ZC3H12D: variants seen among roughly 807,000 people sequenced by gnomAD.
ZC3H12D encodes probable ribonuclease ZC3H12D.
Under a neutral mutation model 24.2 loss-of-function variants are expected in ZC3H12D, and 11 were observed. The observed-to-expected ratio is 0.46, with a 90% confidence interval of 0.29 to 0.75. The LOEUF (loss-of-function observed/expected upper bound fraction) is 0.75. Ranked by LOEUF, ZC3H12D falls within the 30% of genes least tolerant of loss-of-function variation. ZC3H12D has a pLI of 0.11. For synonymous variants in ZC3H12D, 333 were observed against 341.8 expected, an observed-to-expected ratio of 0.97 and a Z score of 0.28; for missense variants, 740 against 767.7, an observed-to-expected ratio of 0.96 and a Z score of 0.43.
intron 1 of ZC3H12D, among the ~76,000 whole-genome samples, chr6:149,482,342 C>T (rs745923336): frequency 6.6e-6 from 1 of 152,258 alleles, no homozygotes; most frequent in Non-Finnish European, 1.5e-5. Context: ...CTGCCAGCCG[C>T]GTCTCGTTTC....
At chr6:149,459,418 C>A in intron 3 of ZC3H12D, 2 of 580,232 alleles carry the variant, frequency 3.4e-6, no homozygotes, top group South Asian at 4.2e-5. Context: ...AGCAGCAAAC[C>A]CAGGATTTTG....
At chr6:149,467,564 T>C (rs1176303581) in intron 2 of ZC3H12D, among the ~76,000 whole-genome samples, 2 of 152,100 alleles carry the variant, frequency 1.3e-5, no homozygotes, top group Non-Finnish European at 2.9e-5. Context: ...TTGGAGCTCA[T>C]TTTTAAGATC....
At chr6:149,464,019 A>T (rs530936492) in intron 2 of ZC3H12D, among the ~76,000 whole-genome samples, 1 of 152,302 alleles carries the variant, frequency 6.6e-6, no homozygotes, top group Admixed American at 6.5e-5. Flanking sequence ...TTCAGTGGAG[A>T]TGTCTGAGTG....
At position 149,451,439 on chromosome 6, in the gene ZC3H12D, G is replaced by C; in HGVS notation, c.828C>G (p.His276Gln). The C allele has an allele frequency of 2.5e-6, 4 of 1,577,134 alleles. No individual in the cohort carries two copies. The highest frequency in any genetic ancestry group is 3.4e-6 in the Non-Finnish European group (4 of 1,171,226). The stretch of plus-strand genomic sequence containing the variant: ...GTTGCGCGTGGTGCGGCCTCTCCGG[G>C]TGGTAGAACTTGCACTTGATGCCAT... The part of the protein sequence containing the change: ...CTYGIKCKFY[H>Q]PERPHHAQLA... The change falls in exon 6 of 6, where the codon CAC becomes CAG. Residue 276 changes from histidine to glutamine, a missense_variant. Coordinates refer to ENST00000409806, the MANE Select transcript of ZC3H12D (RefSeq NM_207360.3).
Position 149,461,908 on chromosome 6 carries a change from T to C in ZC3H12D, c.368A>G (p.Asp123Gly). ...GIKLAVDWFR[D>G]RGHTYIKVFV... ...AACTTTGATGTAGGTGTGTCCTCTG[T>C]CCCTGAACCAGTCAACAGCCAGCTT... The change falls in exon 3 of 6, where the codon GAC becomes GGC. Residue 123 changes from aspartate (D) to glycine (G), a missense_variant. Transcript: ENST00000409806. 6.2e-7 allele frequency: 1 copy of C among 1,609,956 alleles called. No individual in the cohort carries two copies. The highest frequency in any genetic ancestry group is 8.5e-7 in the Non-Finnish European group (1 of 1,178,284).
chr6:149,480,752 A>AT (rs1306042283), intron 1 of ZC3H12D, among the ~76,000 whole-genome samples: 1 of 151,976 alleles, frequency 6.6e-6, no homozygotes, highest in East Asian at 1.9e-4. Flanking sequence ...AAACAAAAAA[A>AT]ACAAACAAAA....
chr6:149,472,667 T>C (rs1179848006), intron 2 of ZC3H12D, among the ~76,000 whole-genome samples: 1 of 151,952 alleles, frequency 6.6e-6, no homozygotes, highest in Non-Finnish European at 1.5e-5. Context: ...AACAAAACCC[T>C]CCACCACCCC....
chr6:149,469,273 C>A lies in ZC3H12D; in HGVS notation c.305+4966G>T, dbSNP rs763737139. On this transcript the variant is annotated intron_variant, in intron 2 of 5. Transcript: ENST00000409806. The stretch of plus-strand genomic sequence containing the variant: ...GAGATCGAGACCATCCTGGCTAACA[C>A]GGTGAAACCCCGTCTGTATTAAAAG... Among the ~76,000 whole-genome samples the A allele has an allele frequency of 2.6e-5, 4 of 152,082 alleles. No homozygotes were observed. In the East Asian group the frequency reaches 7.7e-4, roughly 29 times the overall value.
intron 2 of ZC3H12D, among the ~76,000 whole-genome samples, chr6:149,463,923 G>C (rs527723172): frequency 1.1e-4 from 16 of 152,354 alleles, no homozygotes; most frequent in African/African-American, 3.8e-4. Context: ...AACAGGGTTA[G>C]AGGGAAAGAT....
chr6:149,458,237 G>T (rs1776018989), intron 3 of ZC3H12D, among the ~76,000 whole-genome samples: 1 of 146,528 alleles, frequency 6.8e-6, no homozygotes, highest in South Asian at 2.2e-4. Context: ...CAAGGCTCAG[G>T]TGATCCTCTT....
chr6:149,456,754 C>T lies in ZC3H12D; in HGVS notation c.592G>A (p.Asp198Asn), dbSNP rs911570867. The T allele has an allele frequency of 6.2e-7, 1 of 1,613,716 alleles. No homozygotes were observed. The highest frequency in any genetic ancestry group is 1.3e-5 in the African/African-American group (1 of 74,938). ...TCGCTCTGCAGGTCCCGGTAGTTGTCGTTGGAGACGATGACGCCGTCCTGC... is the reference window on the plus strand; with the variant it reads ...TCGCTCTGCAGGTCCCGGTAGTTGTTGTTGGAGACGATGACGCCGTCCTGC... ...YEQDGVIVSNDNYRDLQSENP... is the reference protein window; with the variant it reads ...YEQDGVIVSNNNYRDLQSENP... The change falls in exon 4 of 6, where the codon GAC becomes AAC. Residue 198 changes from aspartate (D) to asparagine (N), a missense_variant. Transcript: ENST00000409806. The surrounding 1 kb of genome is among the most constrained non-coding windows in gnomAD (Gnocchi z 4.3).
intron 2 of ZC3H12D, among the ~76,000 whole-genome samples, chr6:149,471,596 C>A (rs1185673289): frequency 6.6e-6 from 1 of 152,218 alleles, no homozygotes; most frequent in Non-Finnish European, 1.5e-5. Context: ...ACTCTTTCCC[C>A]CAGAGAAACA....
chr6:149,450,927 G>A lies in ZC3H12D; in HGVS notation c.1340C>T (p.Pro447Leu), dbSNP rs1482905707. The A allele has an allele frequency of 6.5e-7, 1 of 1,540,064 alleles. No individual in the cohort carries two copies. Among genetic ancestry groups the A allele is most frequent in the Non-Finnish European group, 8.7e-7 (1 of 1,145,912 alleles). ...WARPPRSDRF[P>L]GRSVWAEPAW... is the part of the protein sequence containing the mutation. ...CGGCTCCGCCCAGACGGAGCGCCCA[G>A]GGAAGCGGTCGGAGCGGGGTGGACG... The change falls in exon 6 of 6, where the codon CCT (proline) becomes CTT (leucine). Residue 447 changes from proline (P) to leucine (L), a missense_variant. By Grantham distance (98) the Pro-to-Leu change is moderately conservative. Coordinates refer to ENST00000409806, the MANE Select transcript of ZC3H12D (RefSeq NM_207360.3).
chr6:149,481,407 C>A (rs935866957), intron 1 of ZC3H12D, among the ~76,000 whole-genome samples: 16 of 149,706 alleles, frequency 1.1e-4, no homozygotes, highest in Admixed American at 2.6e-4. Flanking sequence ...GAGAGTTTTG[C>A]TCTGTCGCCC....
intron 1 of ZC3H12D, among the ~76,000 whole-genome samples, chr6:149,480,037 C>T (rs1267897274): frequency 6.6e-6 from 1 of 152,106 alleles, no homozygotes. Context: ...TCCATAACCA[C>T]CCTCCCCTTC....
chr6:149,453,506 T>A (rs982554424), intron 4 of ZC3H12D, among the ~76,000 whole-genome samples: 17 of 152,164 alleles, frequency 1.1e-4, no homozygotes, highest in Admixed American at 6.5e-4. Context: ...CGGGCACCTG[T>A]AGTCCCAGCT....
At chr6:149,464,838 G>C (rs1366625522) in intron 2 of ZC3H12D, among the ~76,000 whole-genome samples, 1 of 152,166 alleles carries the variant, frequency 6.6e-6, no homozygotes, top group Non-Finnish European at 1.5e-5. Context: ...CAGGAGTGGG[G>C]CTGGAGCACG....
intron 2 of ZC3H12D, among the ~76,000 whole-genome samples, chr6:149,462,186 C>A (rs1362917389): frequency 6.6e-6 from 1 of 152,066 alleles, no homozygotes; most frequent in Non-Finnish European, 1.5e-5. Flanking sequence ...TCAGCCTGGC[C>A]AACATGGTGA....
At chr6:149,457,681 A>G (rs61531695) in intron 3 of ZC3H12D, among the ~76,000 whole-genome samples, 2,469 of 152,304 alleles carry the variant, frequency 0.016, 67 homozygotes, top group African/African-American at 0.057. Flanking sequence ...CATGCACCAG[A>G]TGGTACAAAC....
Sources: allele counts gnomAD v4.1 joint callset (sites outside exome capture counted in the v4.1 genomes callset), GRCh38; gene constraint gnomAD v4.1.1; non-coding constraint Gnocchi (gnomAD v3.1); transcripts MANE v1.5; gene names NCBI Gene and HGNC (gene_info 2026-07-23, HGNC 2026-07-21).